Variants in PRDM16 observed in about 807,000 individuals in gnomAD.
PRDM16 encodes PR/SET domain 16, also known as histone-lysine N-methyltransferase PRDM16.
Under a neutral mutation model 110.6 loss-of-function variants are expected in PRDM16, and 23 were observed. The ratio of observed to expected loss-of-function variants is 0.21; its 90% CI spans 0.15 to 0.29. PRDM16 has a LOEUF of 0.29. Among genes scored for constraint, PRDM16 ranks in the 10% least tolerant of loss-of-function variants. PRDM16 has a pLI of 1.00. For missense variants in PRDM16, 1,615 were observed against 1,794.3 expected, an observed-to-expected ratio of 0.90 and a Z score of 1.81; for synonymous variants, 799 against 781.8, an observed-to-expected ratio of 1.02 and a Z score of -0.37.
chr1:3,094,369 C>T (rs1642347539), intron 1 of PRDM16, among the ~76,000 whole-genome samples: 1 of 152,228 alleles, frequency 6.6e-6, no homozygotes, highest in South Asian at 2.1e-4. Flanking sequence ...TAAGTGCAGC[C>T]ACATCACCCT....
intron 5 of PRDM16, among the ~76,000 whole-genome samples, chr1:3,401,856 C>A (rs1335038534): frequency 6.6e-6 from 1 of 150,584 alleles, no homozygotes; most frequent in African/African-American, 2.4e-5. Context: ...CACACATGTG[C>A]AAGTATGAAA....
chr1:3,109,497 C>G (rs1050446471), intron 1 of PRDM16, among the ~76,000 whole-genome samples: 1 of 152,186 alleles, frequency 6.6e-6, no homozygotes, highest in African/African-American at 2.4e-5. Context: ...CCACAGATCT[C>G]AGAAGTCAAC....
chr1:3,232,915 C>T (rs999299359), intron 2 of PRDM16, among the ~76,000 whole-genome samples: 5 of 152,128 alleles, frequency 3.3e-5, no homozygotes, highest in Non-Finnish European at 5.9e-5. Flanking sequence ...ATCTACGACC[C>T]TTCTTATTCA....
chr1:3,202,757 G>C (rs749960585), intron 2 of PRDM16, among the ~76,000 whole-genome samples: 1 of 152,136 alleles, frequency 6.6e-6, no homozygotes, highest in Non-Finnish European at 1.5e-5. Context: ...AGAGGAGGAC[G>C]GCTCAGGCTC....
intron 1 of PRDM16, among the ~76,000 whole-genome samples, chr1:3,087,998 T>A (rs954046931): frequency 1.3e-5 from 2 of 151,958 alleles, no homozygotes; most frequent in Non-Finnish European, 2.9e-5. Context: ...CGCCTTCTTC[T>A]TGCCCTCCTC....
chr1:3,295,242 G>A (rs891235360), intron 3 of PRDM16, among the ~76,000 whole-genome samples: 2 of 152,178 alleles, frequency 1.3e-5, no homozygotes, highest in Non-Finnish European at 2.9e-5. Context: ...ATCAGGTGGC[G>A]GGCAGGACAG....
At chr1:3,402,706 G>A in intron 5 of PRDM16, 85 bp from the exon 6 acceptor site, 2 of 1,239,258 alleles carry the variant, frequency 1.6e-6, no homozygotes, top group East Asian at 2.4e-5. Flanking sequence ...GCACCGTGGT[G>A]AGGGGGCCAG....
intron 3 of PRDM16, among the ~76,000 whole-genome samples, chr1:3,277,365 A>G (rs1640609753): frequency 6.6e-6 from 1 of 152,214 alleles, no homozygotes; most frequent in Non-Finnish European, 1.5e-5. Context: ...CTCAGAGGCC[A>G]GGAGGCACGT....
chr1:3,227,627 G>T (rs1410856333), intron 2 of PRDM16, among the ~76,000 whole-genome samples: 1 of 152,246 alleles, frequency 6.6e-6, no homozygotes, highest in African/African-American at 2.4e-5. Context: ...CAGCCCCCAG[G>T]ACCTGAGATG....
chr1:3,267,658 C>T (rs1450941343), intron 3 of PRDM16, among the ~76,000 whole-genome samples: 2 of 152,226 alleles, frequency 1.3e-5, no homozygotes, highest in Non-Finnish European at 2.9e-5. Flanking sequence ...CGAGGAGCGG[C>T]CTCACAGAGC....
intron 3 of PRDM16, among the ~76,000 whole-genome samples, chr1:3,336,907 G>GTC (rs576190006): frequency 1.3e-5 from 2 of 150,022 alleles, no homozygotes; most frequent in African/African-American, 2.5e-5. Context: ...GTTGGTGTGA[G>GTC]TCTGTGTGTG....
rs769196318 is a variant in PRDM16 at position 3,191,595 on chromosome 1, C to T, written c.387+5121C>T. Among the ~76,000 whole-genome samples, 40 of 152,340 alleles carry T rather than the reference C, an allele frequency of 2.6e-4. 1 individual carries two copies. The highest frequency in any genetic ancestry group is 5.1e-4 in the Non-Finnish European group (35 of 68,028). On this transcript the variant is annotated intron_variant, in intron 2 of 16. Transcript: ENST00000270722. The stretch of plus-strand genomic sequence containing the variant: ...CAAAACACCCAGCCTTGAAGAAAGG[C>T]AGGATTTCCAAGGAAGTAAAACCTC...
rs908958097 is a variant in PRDM16, at chr1:3,148,773, A to G, written c.38-37352A>G. 3.9e-5 allele frequency among the ~76,000 whole-genome samples: 6 copies of G among 152,154 alleles called. No individual in the cohort carries two copies. Among genetic ancestry groups the G allele is most frequent in the African/African-American group, 1.4e-4 (6 of 41,432 alleles). On this transcript the variant is annotated intron_variant, in intron 1 of 16. Coordinates refer to ENST00000270722, the MANE Select transcript of PRDM16 (RefSeq NM_022114.4). This position sits in a 1 kb window ranked among gnomAD's most constrained non-coding sequence, Gnocchi z 5.0. ...GGGGGGACCACAATATCTCTCTAAA[A>G]TCCCCAAATCCATCCCCACTTTACT...
At chr1:3,284,986 G>A (rs898521394) in intron 3 of PRDM16, among the ~76,000 whole-genome samples, 3 of 152,194 alleles carry the variant, frequency 2.0e-5, no homozygotes, top group Admixed American at 6.5e-5. Context: ...TTTCGGAGGC[G>A]AATGTTGGTA....
chr1:3,297,918 G>A (rs898455267), intron 3 of PRDM16, among the ~76,000 whole-genome samples: 1 of 151,650 alleles, frequency 6.6e-6, no homozygotes, highest in Admixed American at 6.6e-5. Context: ...TGCATGGCAA[G>A]CTCCACAGGG....
At chr1:3,073,774 G>C (rs558245817) in intron 1 of PRDM16, among the ~76,000 whole-genome samples, 1 of 152,306 alleles carries the variant, frequency 6.6e-6, no homozygotes, top group Non-Finnish European at 1.5e-5. Flanking sequence ...ACACCGCGCA[G>C]CCTGGCGCCC....
chr1:3,234,245 T>A (rs904888867), intron 2 of PRDM16, among the ~76,000 whole-genome samples: 1 of 152,148 alleles, frequency 6.6e-6, no homozygotes, highest in African/African-American at 2.4e-5. Flanking sequence ...CTCTCCAGTA[T>A]GGTCACCAAC....
chr1:3,165,717 A>AGGCCTCACCTTTTTTTTCTCC, intron 1 of PRDM16, among the ~76,000 whole-genome samples: 1 of 67,968 alleles, frequency 1.5e-5, no homozygotes, highest in African/African-American at 1.0e-4. Context: ...GGGCTCAGGG[A>AGGCCTCACCTTTTTTTTCTCC]CAGTGACTCA....
chr1:3,376,060 C>T (rs1280119581), intron 3 of PRDM16, among the ~76,000 whole-genome samples: 1 of 151,996 alleles, frequency 6.6e-6, no homozygotes, highest in Non-Finnish European at 1.5e-5. Context: ...GTCAGTGCAC[C>T]CCAGGAGCGC....
Sources: allele counts gnomAD v4.1 joint callset (sites outside exome capture counted in the v4.1 genomes callset), GRCh38; gene constraint gnomAD v4.1.1; non-coding constraint Gnocchi (gnomAD v3.1); transcripts MANE v1.5; gene names NCBI Gene and HGNC (gene_info 2026-07-23, HGNC 2026-07-21).